The following CDKL5 variants were observed in gnomAD, a reference collection of about 807,000 sequenced individuals.
CDKL5 encodes the protein cyclin-dependent kinase-like 5.
CDKL5 carries 8 observed loss-of-function variants against 61.7 expected under a neutral mutation model. The observed-to-expected ratio is 0.13, with a 90% CI of 0.08 to 0.23. The LOEUF is 0.23. CDKL5 is among the 10% of genes least tolerant of loss of function. CDKL5 has a pLI of 1.00. For missense variants in CDKL5, 440 were observed against 734.5 expected, an observed-to-expected ratio of 0.60 and a Z score of 4.63; for synonymous variants, 275 against 272.3, an observed-to-expected ratio of 1.01 and a Z score of -0.10.
At chrX:18,529,530 A>T (rs1032302422) in intron 3 of CDKL5, among the ~76,000 whole-genome samples, 2 of 111,180 alleles carry the variant, frequency 1.8e-5, no homozygotes, top group Non-Finnish European at 3.8e-5. Context: ...ATAACTTTTT[A>T]AAGCATTTTT....
chrX:18,604,022 C>T lies in CDKL5; in HGVS notation c.1098C>T (p.Phe366=), dbSNP rs777079786. 1.2e-5 allele frequency: 14 copies of T among 1,209,441 alleles called. No homozygotes were observed. In the East Asian group the frequency reaches 3.3e-4, roughly 28 times the overall value. The change falls in exon 12 of 18, where the codon TTC becomes TTT. Residue 366 remains phenylalanine, a synonymous_variant. Coordinates refer to ENST00000623535, the MANE Select transcript of CDKL5 (RefSeq NM_001323289.2). ...AAGGTCTCCCTGCCAATGAAAGCTT[C>T]CTAAATGGAAACCTTGCTGGAGCTA... is the stretch of plus-strand genomic sequence containing the variant. ...ADEGLPANES[F]LNGNLAGASL...
At chrX:18,646,255 G>A (rs1444465681) in intron 20 of CDKL5, among the ~76,000 whole-genome samples, 1 of 111,730 alleles carries the variant, frequency 9.0e-6, no homozygotes, top group Non-Finnish European at 1.9e-5. Context: ...CCAGGTTCAA[G>A]TGATTCTCCT....
At chrX:18,613,122 C>A (rs1338112158) in intron 14 of CDKL5, 30 bp from the exon 15 acceptor site, 1 of 1,049,567 alleles carries the variant, frequency 9.5e-7, no homozygotes, top group Non-Finnish European at 1.3e-6. Context: ...AAAGAAAAGT[C>A]CATCAGTGAC....
intron 1 of CDKL5, among the ~76,000 whole-genome samples, chrX:18,449,731 AT>A (rs1168599001): frequency 9.2e-6 from 1 of 108,881 alleles, no homozygotes; most frequent in Non-Finnish European, 1.9e-5. Context: ...GCCCATTTAT[AT>A]TTTTTCCTGC....
chrX:18,634,370 C>G lies in CDKL5; in HGVS notation c.*5613C>G, dbSNP rs774316642. The stretch of plus-strand genomic sequence containing the variant: ...GCTTCAGGTCTTATCAGAAGAAACC[C>G]AGGAATAGAAAAGGTAGATGCCTTG... On this transcript the variant is annotated 3_prime_UTR_variant, in exon 18 of 18. Coordinates refer to ENST00000623535, the MANE Select transcript of CDKL5 (RefSeq NM_001323289.2). The G allele has an allele frequency of 2.7e-6, 2 of 752,016 alleles. No individual in the cohort carries two copies. The highest frequency in any genetic ancestry group is 8.8e-5 in the Admixed American group (1 of 11,364). 62.0% of individuals were successfully genotyped at this position (752,016 alleles called of 1,213,427 possible). A position where few individuals can be genotyped will look rare whatever the true frequency, so the allele number is the denominator to read the frequency against.
intron 5 of CDKL5, among the ~76,000 whole-genome samples, chrX:18,576,008 A>C (rs1925285101): frequency 8.9e-6 from 1 of 112,443 alleles, no homozygotes. Context: ...AAAAGCATGC[A>C]TTGTTTGAGC....
chrX:18,649,787 G>C (rs769787487), intron 20 of CDKL5, among the ~76,000 whole-genome samples: 12 of 112,043 alleles, frequency 1.1e-4, no homozygotes, highest in African/African-American at 3.9e-4. Flanking sequence ...GAGTGCCTGC[G>C]GACTCGAGGG....
chrX:18,527,871 T>C (rs1923502561), intron 3 of CDKL5, among the ~76,000 whole-genome samples: 1 of 112,201 alleles, frequency 8.9e-6, no homozygotes, highest in Non-Finnish European at 1.9e-5. Flanking sequence ...GCTGCTTTCA[T>C]AGTATTGCAC....
At chrX:18,642,901 A>G (rs1203472906), downstream of CDKL5, among the ~76,000 whole-genome samples, 1 of 110,504 alleles carries the variant, frequency 9.0e-6, no homozygotes, top group Non-Finnish European at 1.9e-5. Flanking sequence ...AAAATTAGCC[A>G]GGCGCAGTGG....
chrX:18,532,002 G>A (rs936850679), intron 3 of CDKL5, among the ~76,000 whole-genome samples: 1 of 112,075 alleles, frequency 8.9e-6, no homozygotes, highest in Non-Finnish European at 1.9e-5. Context: ...CACCGCGCCC[G>A]GCCAGGGTTT....
Position 18,434,096 on chromosome X carries a change from G to A in CDKL5, c.-163+8401G>A, listed in dbSNP as rs762205193. On this transcript the variant is annotated intron_variant, in intron 1 of 17. Transcript: ENST00000623535. ...TTAGTTACCTTCTAGGGTGGGCTGAGGAGTAAGGCCAGCTTAGGAACGGGA... is the reference window on the plus strand; with the variant it reads ...TTAGTTACCTTCTAGGGTGGGCTGAAGAGTAAGGCCAGCTTAGGAACGGGA... 1.5e-3 allele frequency among the ~76,000 whole-genome samples: 165 copies of A among 111,830 alleles called. 1 individual carries two copies. The highest frequency in any genetic ancestry group is 2.7e-3 in the Non-Finnish European group (143 of 53,196).
chrX:18,622,510 C>T (rs1926918309), intron 16 of CDKL5, among the ~76,000 whole-genome samples: 1 of 112,387 alleles, frequency 8.9e-6, no homozygotes, highest in South Asian at 3.7e-4. Flanking sequence ...AATAGTTTTT[C>T]ACTTTCTAGA....
chrX:18,566,260 T>C (rs777478829), intron 4 of CDKL5, among the ~76,000 whole-genome samples: 1 of 111,932 alleles, frequency 8.9e-6, no homozygotes, highest in Admixed American at 9.5e-5. Flanking sequence ...CAAGTGATTC[T>C]ACAGCCACAG....
At chrX:18,605,907 G>A (rs1040901202) in intron 12 of CDKL5, among the ~76,000 whole-genome samples, 3 of 112,199 alleles carry the variant, frequency 2.7e-5, no homozygotes, top group Non-Finnish European at 5.6e-5. Context: ...TAAGTAGCCA[G>A]GTGCAGTGGC....
chrX:18,483,854 CAA>C (rs967999761), intron 1 of CDKL5, among the ~76,000 whole-genome samples: 1 of 111,745 alleles, frequency 8.9e-6, no homozygotes, highest in East Asian at 2.8e-4. Context: ...AGATAACAAA[CAA>C]TATTTAAATT....
chrX:18,621,321 A>G (rs1329979073), intron 16 of CDKL5, among the ~76,000 whole-genome samples: 1 of 112,331 alleles, frequency 8.9e-6, no homozygotes, highest in Non-Finnish European at 1.9e-5. Context: ...AATGTTAACA[A>G]ATACCTTCCT....
At chrX:18,436,509 T>A (rs1388452024) in intron 1 of CDKL5, among the ~76,000 whole-genome samples, 1 of 110,994 alleles carries the variant, frequency 9.0e-6, no homozygotes. Context: ...GAGAAGGACC[T>A]GGTCTAGTTG....
At chrX:18,535,003 A>G (rs371374198) in intron 3 of CDKL5, 2 of 112,095 alleles carry the variant, frequency 1.8e-5, no homozygotes, top group East Asian at 2.8e-4. Flanking sequence ...TAGTCCCCCA[A>G]TGAGTGCAAT....
At chrX:18,443,835 T>C (rs1027110131) in intron 1 of CDKL5, 5 of 111,627 alleles carry the variant, frequency 4.5e-5, no homozygotes, top group African/African-American at 1.6e-4. Context: ...CTGGAACTCC[T>C]GGCTTCAAGT....
Sources: gnomAD v4.1 joint callset for allele counts (sites outside exome capture counted in the v4.1 genomes callset) on GRCh38, gnomAD v4.1.1 for gene constraint, MANE v1.5 for transcripts, NCBI Gene and HGNC (gene_info 2026-07-23, HGNC 2026-07-21) for gene names.